Variants in PXDN observed in about 807,000 individuals in gnomAD.
The protein encoded by PXDN is peroxidasin homolog.
Under a neutral mutation model 140.3 loss-of-function variants are expected in PXDN, and 77 were observed. The observed-to-expected ratio is 0.55, with a 90% CI of 0.46 to 0.66. The LOEUF (loss-of-function observed/expected upper bound fraction) is 0.66. PXDN is among the 30% of genes least tolerant of loss of function. PXDN has a pLI of 0.00. For synonymous variants in PXDN, 911 were observed against 857.4 expected (o/e 1.06, Z -1.09); for missense variants, 1,838 against 2,039.5 (o/e 0.90, Z 1.90).
At chr2:1,664,584 G>A (rs932635390) in intron 11 of PXDN, 6 of 196,464 alleles carry the variant, frequency 3.1e-5, no homozygotes, top group Admixed American at 2.2e-4. Flanking sequence ...TATATTCCTC[G>A]ACTGTTTCCA....
chr2:1,646,266 C>A (rs778706438), intron 17 of PXDN: 9 of 152,312 alleles, frequency 5.9e-5, no homozygotes, highest in Middle Eastern at 3.4e-3. Flanking sequence ...GGGTAACATC[C>A]TTAACTTCTT....
rs747059561 is a variant in PXDN, at chr2:1,673,816, C to T, written c.849-4G>A. 1 of 1,613,896 alleles carries T rather than the reference C, an allele frequency of 6.2e-7. No homozygotes were observed. Among genetic ancestry groups the T allele is most frequent in the Admixed American group, 1.7e-5 (1 of 60,026 alleles). ...TGTCTTCATGCTCAGCTCATTACTA[C>T]AAAGACAGAAATATGGTCTGGTCAA... On this transcript the variant is annotated splice_region_variant and splice_polypyrimidine_tract_variant and intron_variant, in intron 8 of 22. Coordinates refer to ENST00000252804, the MANE Select transcript of PXDN (RefSeq NM_012293.3).
At chr2:1,664,702 C>T in intron 11 of PXDN, 1 of 463,226 alleles carries the variant, frequency 2.2e-6, no homozygotes, top group East Asian at 3.4e-5. Context: ...AGGCAGGAAC[C>T]CCAAGTCTCT....
intron 1 of PXDN, among the ~76,000 whole-genome samples, chr2:1,741,650 G>C (rs1322669326): frequency 3.9e-5 from 6 of 152,130 alleles, no homozygotes; most frequent in African/African-American, 1.4e-4. Flanking sequence ...TAATCTTTTG[G>C]GGGACTGGGA....
chr2:1,658,674 G>A (rs574566306), intron 14 of PXDN, among the ~76,000 whole-genome samples: 3 of 152,112 alleles, frequency 2.0e-5, no homozygotes, highest in South Asian at 2.1e-4. Flanking sequence ...ATGGCGTCCC[G>A]GTATGTCTGC....
chr2:1,674,840 G>A (rs1683658870), intron 8 of PXDN, among the ~76,000 whole-genome samples: 1 of 152,042 alleles, frequency 6.6e-6, no homozygotes, highest in Non-Finnish European at 1.5e-5. Context: ...CACTTCCTCA[G>A]TGCACGAGAT....
At chr2:1,707,897 T>C (rs148240713) in intron 1 of PXDN, among the ~76,000 whole-genome samples, 2,444 of 152,018 alleles carry the variant, frequency 0.016, 37 homozygotes, top group Admixed American at 0.04. Context: ...CACACTTACG[T>C]CAGCACCCTA....
At chr2:1,658,188 G>A (rs1251293755) in intron 14 of PXDN, among the ~76,000 whole-genome samples, 2 of 151,856 alleles carry the variant, frequency 1.3e-5, no homozygotes, top group African/African-American at 4.8e-5. Flanking sequence ...CACAGTGACT[G>A]GGTGTTCTGG....
chr2:1,642,518 G>A (rs72763558), intron 19 of PXDN, among the ~76,000 whole-genome samples: 16 of 152,284 alleles, frequency 1.1e-4, no homozygotes, highest in Middle Eastern at 3.4e-3. Flanking sequence ...TCCCGGTCAC[G>A]CTCACCGCAG....
At chr2:1,692,719 GC>G in intron 2 of PXDN, 1 of 431,470 alleles carries the variant, frequency 2.3e-6, no homozygotes, top group South Asian at 1.8e-5. Flanking sequence ...GCTCAATCTT[GC>G]CACGGAGGAG....
At chr2:1,713,151 G>A (rs930740911) in intron 1 of PXDN, among the ~76,000 whole-genome samples, 11 of 152,124 alleles carry the variant, frequency 7.2e-5, no homozygotes, top group East Asian at 1.9e-4. Flanking sequence ...TCCCCAAGCC[G>A]CTGCACAAGG....
At chr2:1,634,853 C>A (rs1390237750) in intron 22 of PXDN, among the ~76,000 whole-genome samples, 1 of 152,232 alleles carries the variant, frequency 6.6e-6, no homozygotes, top group Non-Finnish European at 1.5e-5. Flanking sequence ...ATCCTGCCTC[C>A]TCACACTATG....
At position 1,649,607 on chromosome 2, in the gene PXDN, C is replaced by T. The variant is rs374347969; in HGVS notation, c.2173G>A (p.Ala725Thr). ...GAGCAGTTGTTCACGCGCCGGTGGGCGGTACAGCCCGACAGGTTTGCGATG... is the reference window on the plus strand; with the variant it reads ...GAGCAGTTGTTCACGCGCCGGTGGGTGGTACAGCCCGACAGGTTTGCGATG... ...NLIANLSGCT[A>T]HRRVNNCSDM... is the part of the protein sequence containing the mutation. The change falls in exon 17 of 23, where the codon GCC (alanine) becomes ACC (threonine). Residue 725 changes from alanine to threonine, a missense_variant. By Grantham distance (58) the Ala-to-Thr change is moderately conservative. Transcript: ENST00000252804. The surrounding 1 kb of genome is among the most constrained non-coding windows in gnomAD (Gnocchi z 7.1). 9 of 1,613,876 alleles carry T rather than the reference C, an allele frequency of 5.6e-6. No homozygotes were observed. Among genetic ancestry groups the T allele is most frequent in the East Asian group, 2.2e-5 (1 of 44,872 alleles).
rs765414185 is a variant in PXDN at position 1,687,905 on chromosome 2, C to T, written c.345-202G>A. On this transcript the variant is annotated intron_variant, in intron 3 of 22. Transcript: ENST00000252804. This position sits in a 1 kb window ranked among gnomAD's most constrained non-coding sequence, Gnocchi z 4.0. ...AGATCTCAAGGGGGCTAAAAGCAAC[C>T]GGTGCCAACTGAAGGTGATCAAACC... Among the ~76,000 whole-genome samples the T allele has an allele frequency of 1.2e-4, 18 of 152,156 alleles. No individual in the cohort carries two copies. Among genetic ancestry groups the T allele is most frequent in the Non-Finnish European group, 1.9e-4 (13 of 68,032 alleles).
chr2:1,739,841 A>C (rs984672281), intron 1 of PXDN, among the ~76,000 whole-genome samples: 7 of 152,282 alleles, frequency 4.6e-5, no homozygotes, highest in African/African-American at 1.7e-4. Flanking sequence ...TCAACATCTA[A>C]ATGTTTTAAG....
chr2:1,727,609 T>A (rs1418139050), intron 1 of PXDN, among the ~76,000 whole-genome samples: 2 of 152,016 alleles, frequency 1.3e-5, no homozygotes, highest in East Asian at 3.9e-4. Context: ...TCCTCAGCCC[T>A]CAGTTAGGCA....
chr2:1,683,628 A>G (rs368485346), intron 6 of PXDN, 28 bp downstream of exon 6: 5 of 1,402,276 alleles, frequency 3.6e-6, no homozygotes, highest in Non-Finnish European at 4.8e-6. Context: ...CTTTGCAGCA[A>G]AGAAAACACA....
chr2:1,647,997 C>G (rs377168967), intron 17 of PXDN, among the ~76,000 whole-genome samples, 175 bp downstream of exon 17: 161 of 152,248 alleles, frequency 1.1e-3, no homozygotes, highest in African/African-American at 3.5e-3. Context: ...CCCACAACCA[C>G]GCAGCCACGG....
rs534258973 is a variant in PXDN, at chr2:1,744,106, A to G, written c.200+150T>C. ...CAGGTCCCCCCACGTCCCCCTTCGG[A>G]GGTTCCCTTCTGCGTCCCAAGTCCC... On this transcript the variant is annotated intron_variant, in intron 1 of 22. Coordinates refer to ENST00000252804, the MANE Select transcript of PXDN (RefSeq NM_012293.3). 1,400 of 864,624 alleles carry G rather than the reference A, an allele frequency of 1.6e-3. 18 individuals carry two copies. The African/African-American group carries it at 0.024, about 15-fold the overall frequency. 53.6% of individuals were successfully genotyped at this position (864,624 alleles called of 1,614,324 possible). A position where few individuals can be genotyped will look rare whatever the true frequency, so the allele number is the denominator to read the frequency against.
Sources: gnomAD v4.1 joint callset for allele counts (sites outside exome capture counted in the v4.1 genomes callset) on GRCh38, gnomAD v4.1.1 for gene constraint, Gnocchi (gnomAD v3.1) non-coding constraint, MANE v1.5 for transcripts, NCBI Gene and HGNC (gene_info 2026-07-23, HGNC 2026-07-21) for gene names.